Variants in COL4A5 observed in about 807,000 individuals in gnomAD.
COL4A5 encodes the protein collagen type IV alpha 5 chain, also known as collagen alpha-5(IV) chain.
A neutral mutation model predicts 130.2 loss-of-function variants in COL4A5; 26 were observed. That is an observed-to-expected ratio of 0.20 (90% CI 0.15 to 0.28). The LOEUF is 0.28. COL4A5 is among the 10% of genes least tolerant of loss of function. The probability of loss-of-function intolerance (pLI) is 1.00; values close to 1 mark genes in which losing one functional copy is unlikely to be tolerated. For missense variants in COL4A5, 1,131 were observed against 1,344.3 expected, an observed-to-expected ratio of 0.84 and a Z score of 2.48; for synonymous variants, 496 against 439.6, an observed-to-expected ratio of 1.13 and a Z score of -1.60.
intron 36 of COL4A5, among the ~76,000 whole-genome samples, chrX:108,632,833 A>T (rs1399087111): frequency 9.0e-6 from 1 of 111,695 alleles, no homozygotes; most frequent in African/African-American, 3.3e-5. Flanking sequence ...CGTATCTCAA[A>T]ATAATAAGAG....
intron 1 of COL4A5, among the ~76,000 whole-genome samples, chrX:108,480,853 C>G (rs1262677273): frequency 8.9e-6 from 1 of 112,515 alleles, no homozygotes; most frequent in Non-Finnish European, 1.9e-5. Flanking sequence ...CTGCATATTT[C>G]AAGTCCTTGA....
chrX:108,600,418 A>G (rs761307140), intron 25 of COL4A5, among the ~76,000 whole-genome samples: 28 of 111,237 alleles, frequency 2.5e-4, no homozygotes, highest in Non-Finnish European at 4.5e-4. Context: ...TCTTGAGCCA[A>G]TTTCAAGTTC....
At position 108,565,819 on chromosome X, in the gene COL4A5, AC is replaced by A. The variant is rs1278963927; in HGVS notation, c.276+1894del. On this transcript the variant is annotated intron_variant, in intron 4 of 52. Coordinates refer to ENST00000328300, the MANE Select transcript of COL4A5 (RefSeq NM_033380.3). ...GTTGCCTTGGAAGAGGCACTAAAGA[AC>A]TTTCTGGGGGTACAGAACTGTACGC... Among the ~76,000 whole-genome samples the A allele has an allele frequency of 7.2e-5, 8 of 111,420 alleles. No homozygotes were observed. In the Admixed American group the frequency reaches 7.6e-4, roughly 11 times the overall value.
chrX:108,658,905 T>C (rs890673215), intron 37 of COL4A5, among the ~76,000 whole-genome samples: 5 of 111,579 alleles, frequency 4.5e-5, no homozygotes, highest in African/African-American at 1.6e-4. Flanking sequence ...TTTCTGCTTA[T>C]ATCTGTATTA....
At chrX:108,620,980 C>T (rs930915731) in intron 31 of COL4A5, among the ~76,000 whole-genome samples, 1 of 110,965 alleles carries the variant, frequency 9.0e-6, no homozygotes, top group Non-Finnish European at 1.9e-5. Flanking sequence ...CAGGTAGAAG[C>T]GGCAAGATTT....
intron 36 of COL4A5, among the ~76,000 whole-genome samples, chrX:108,633,243 G>T (rs2067299118): frequency 9.0e-6 from 1 of 110,534 alleles, no homozygotes; most frequent in Non-Finnish European, 1.9e-5. Context: ...CTGTCACATA[G>T]ATTTTAGGAT....
At chrX:108,554,719 G>A (rs2065799447) in intron 2 of COL4A5, among the ~76,000 whole-genome samples, 1 of 110,590 alleles carries the variant, frequency 9.0e-6, no homozygotes, top group African/African-American at 3.3e-5. Context: ...AAATTGGCTG[G>A]GCATGGTGGC....
intron 1 of COL4A5, among the ~76,000 whole-genome samples, chrX:108,486,296 G>GT (rs1032074766): frequency 4.5e-5 from 5 of 111,029 alleles, no homozygotes; most frequent in Non-Finnish European, 9.4e-5. Context: ...TAATTTTTAG[G>GT]TTTTTTTTAT....
At chrX:108,683,491 G>A (rs968059208) in intron 47 of COL4A5, among the ~76,000 whole-genome samples, 1 of 111,330 alleles carries the variant, frequency 9.0e-6, no homozygotes, top group African/African-American at 3.3e-5. Flanking sequence ...GGGAAGTATG[G>A]CCATTTTCAT....
intron 1 of COL4A5, among the ~76,000 whole-genome samples, chrX:108,511,870 G>A (rs1437016743): frequency 8.9e-6 from 1 of 111,832 alleles, no homozygotes; most frequent in Non-Finnish European, 1.9e-5. Flanking sequence ...AACTAGATTG[G>A]TGGTTGCCTA....
chrX:108,651,852 G>A (rs965567722), intron 36 of COL4A5, among the ~76,000 whole-genome samples: 1 of 111,890 alleles, frequency 8.9e-6, no homozygotes, highest in Middle Eastern at 4.2e-3. Context: ...GTTTGTTACT[G>A]TTAGCTTAAC....
chrX:108,641,747 G>A (rs2067471506), intron 36 of COL4A5, among the ~76,000 whole-genome samples: 1 of 111,942 alleles, frequency 8.9e-6, no homozygotes. Context: ...GGGGCTTGCT[G>A]GGTCACCAAG....
chrX:108,546,875 A>T (rs2065666826), intron 2 of COL4A5, among the ~76,000 whole-genome samples: 1 of 111,715 alleles, frequency 9.0e-6, no homozygotes, highest in Admixed American at 9.5e-5. Context: ...TCAATCACTG[A>T]TACCCTTTCT....
intron 34 of COL4A5, among the ~76,000 whole-genome samples, chrX:108,624,950 C>G (rs1460381776): frequency 4.5e-5 from 5 of 111,458 alleles, no homozygotes; most frequent in African/African-American, 1.3e-4. Context: ...TACAAAGTCC[C>G]TTAAGTTCAG....
chrX:108,629,848 C>A (rs779426397), intron 36 of COL4A5, among the ~76,000 whole-genome samples: 2 of 109,890 alleles, frequency 1.8e-5, no homozygotes, highest in South Asian at 8.0e-4. Flanking sequence ...GTGATGTCCC[C>A]CGCCCTGTGT....
chrX:108,573,519 TG>T, intron 8 of COL4A5, 54 bp from the exon 9 acceptor site: 1 of 862,517 alleles, frequency 1.2e-6, no homozygotes, highest in Non-Finnish European at 1.7e-6. Context: ...CTGGTTTTGC[TG>T]GTTTTCATGT....
At chrX:108,595,418 T>A in intron 21 of COL4A5, 91 bp from the exon 22 acceptor site, 1 of 747,814 alleles carries the variant, frequency 1.3e-6, no homozygotes, top group East Asian at 3.2e-5. Context: ...GTGGAAATGC[T>A]GTCCCTTAGT....
intron 36 of COL4A5, among the ~76,000 whole-genome samples, chrX:108,644,622 G>A (rs752296319): frequency 3.6e-5 from 4 of 111,799 alleles, no homozygotes; most frequent in South Asian, 3.8e-4. Flanking sequence ...CTCTCGGGCC[G>A]GGCATGGTGG....
chrX:108,510,093 G>A (rs1194592836), intron 1 of COL4A5, among the ~76,000 whole-genome samples: 2 of 111,665 alleles, frequency 1.8e-5, no homozygotes, highest in African/African-American at 6.5e-5. Flanking sequence ...CTTGTAAGTG[G>A]GAGCTAAATG....
Sources: gnomAD v4.1 joint callset for allele counts (sites outside exome capture counted in the v4.1 genomes callset) on GRCh38, gnomAD v4.1.1 for gene constraint, MANE v1.5 for transcripts, NCBI Gene and HGNC (gene_info 2026-07-23, HGNC 2026-07-21) for gene names.